The following CFTR variants were observed in gnomAD, a reference collection of about 807,000 sequenced individuals.
The protein encoded by CFTR is CF transmembrane conductance regulator, also known as cystic fibrosis transmembrane conductance regulator.
A neutral mutation model predicts 171.6 loss-of-function variants in CFTR; 181 were observed. The observed-to-expected ratio is 1.05, with a 90% CI of 0.93 to 1.19. CFTR has a LOEUF of 1.19. CFTR is among the 50% of genes most tolerant of loss of function. The pLI is 0.00. For synonymous variants in CFTR, 583 were observed against 608.0 expected (o/e 0.96, Z 0.60); for missense variants, 1,968 against 1,734.7 (o/e 1.13, Z -2.39).
chr7:117,547,657 A>G (rs1452750209), intron 9 of CFTR, among the ~76,000 whole-genome samples: 1 of 152,202 alleles, frequency 6.6e-6, no homozygotes. Context: ...TGCCTCCTTC[A>G]GTATTTCTGC....
intron 9 of CFTR, among the ~76,000 whole-genome samples, chr7:117,544,115 C>T (rs956369306): frequency 6.6e-6 from 1 of 152,144 alleles, no homozygotes; most frequent in Non-Finnish European, 1.5e-5. Context: ...TCTGCTTATT[C>T]GAAGAACAAT....
intron 1 of CFTR, among the ~76,000 whole-genome samples, chr7:117,498,060 G>A (rs1353275096): frequency 1.3e-5 from 2 of 152,078 alleles, no homozygotes; most frequent in Admixed American, 6.6e-5. Context: ...GATTCATTAG[G>A]TACGAAGTTA....
At chr7:117,575,136 A>G (rs1791752253) in intron 11 of CFTR, among the ~76,000 whole-genome samples, 2 of 152,124 alleles carry the variant, frequency 1.3e-5, no homozygotes, top group Non-Finnish European at 2.9e-5. Flanking sequence ...CATATGATAC[A>G]TACACACATT....
chr7:117,549,158 T>C (rs1799225029), intron 10 of CFTR, among the ~76,000 whole-genome samples: 1 of 152,222 alleles, frequency 6.6e-6, no homozygotes, highest in South Asian at 2.1e-4. Flanking sequence ...AGACATTTTT[T>C]CAGAGCTGGT....
Position 117,590,346 on chromosome 7 carries a change from T to C in CFTR, c.1680-7T>C. 1 of 1,601,630 alleles carries C rather than the reference T, an allele frequency of 6.2e-7. No homozygotes were observed. The highest frequency in any genetic ancestry group is 1.1e-5 in the South Asian group (1 of 90,872). On this transcript the variant is annotated splice_polypyrimidine_tract_variant and splice_region_variant and intron_variant, in intron 12 of 26. Coordinates refer to ENST00000003084, the MANE Select transcript of CFTR (RefSeq NM_000492.4). ...GAAATGTAATTTAATTTCCATTTTCTTTTTAGAGCAGTATACAAAGATGCT... is the reference window on the plus strand; with the variant it reads ...GAAATGTAATTTAATTTCCATTTTCCTTTTAGAGCAGTATACAAAGATGCT...
intron 1 of CFTR, among the ~76,000 whole-genome samples, chr7:117,498,688 C>T (rs183753680): frequency 6.6e-6 from 1 of 152,066 alleles, no homozygotes; most frequent in Non-Finnish European, 1.5e-5. Context: ...CAAATCAATC[C>T]TCCCTATCAT....
intron 11 of CFTR, among the ~76,000 whole-genome samples, chr7:117,585,038 T>C (rs1791909440): frequency 6.6e-6 from 1 of 152,034 alleles, no homozygotes; most frequent in Non-Finnish European, 1.5e-5. Flanking sequence ...TTCTAAAGTA[T>C]AGACTGTAGT....
intron 22 of CFTR, among the ~76,000 whole-genome samples, chr7:117,635,288 C>G (rs1194978035): frequency 2.6e-5 from 4 of 152,040 alleles, no homozygotes; most frequent in East Asian, 1.9e-4. Flanking sequence ...GTTAAAATGA[C>G]TTAACTTTCT....
chr7:117,543,985 C>A (rs146318138), intron 9 of CFTR, among the ~76,000 whole-genome samples: 1 of 152,200 alleles, frequency 6.6e-6, no homozygotes. Context: ...TCTTTCTCAG[C>A]TTGGAATTTC....
intron 1 of CFTR, among the ~76,000 whole-genome samples, chr7:117,493,730 A>G (rs1457175563): frequency 6.6e-6 from 1 of 152,144 alleles, no homozygotes; most frequent in Non-Finnish European, 1.5e-5. Flanking sequence ...TTTCCCTTTT[A>G]ATTTGCAGTA....
intron 8 of CFTR, among the ~76,000 whole-genome samples, chr7:117,541,744 A>G (rs1195679304): frequency 2.0e-5 from 3 of 152,218 alleles, no homozygotes; most frequent in Non-Finnish European, 4.4e-5. Flanking sequence ...ATGTAATAGT[A>G]CAAGGAAGAA....
intron 23 of CFTR, among the ~76,000 whole-genome samples, chr7:117,644,351 C>A (rs998882760): frequency 1.3e-5 from 2 of 151,760 alleles, no homozygotes; most frequent in South Asian, 4.1e-4. Context: ...CCAAGAGACG[C>A]TTTTATTTTC....
Position 117,602,807 on chromosome 7 carries a change from G to C in CFTR, c.2620-19G>C. On this transcript the variant is annotated intron_variant, in intron 15 of 26. Coordinates refer to ENST00000003084, the MANE Select transcript of CFTR (RefSeq NM_000492.4). Reference sequence around the variant, plus strand: ...GAAGATGTTAGAAAAAAAATCAACTGTGTCTTGTTCCATTCCAGGTGGCTG... The same window carrying C: ...GAAGATGTTAGAAAAAAAATCAACTCTGTCTTGTTCCATTCCAGGTGGCTG... 1 of 1,612,892 alleles carries C rather than the reference G, an allele frequency of 6.2e-7. No individual in the cohort carries two copies. Among genetic ancestry groups the C allele is most frequent in the Non-Finnish European group, 8.5e-7 (1 of 1,178,896 alleles).
intron 10 of CFTR, among the ~76,000 whole-genome samples, chr7:117,554,641 T>C (rs1466705198): frequency 6.6e-6 from 1 of 152,046 alleles, no homozygotes; most frequent in Non-Finnish European, 1.5e-5. Context: ...CTAAGGGCAT[T>C]CTAAGTATTA....
intron 11 of CFTR, chr7:117,560,596 T>C (rs984216679): frequency 1.3e-5 from 2 of 151,974 alleles, no homozygotes; most frequent in African/African-American, 2.4e-5. Flanking sequence ...TAAAAAGGGT[T>C]GCATGCTTAC....
rs749784731 is a variant in CFTR, at chr7:117,603,686, G to C, written c.2812G>C (p.Val938Leu). The change falls in exon 17 of 27, where the codon GTG (valine) becomes CTG (leucine). Residue 938 changes from valine to leucine, a missense_variant. Transcript: ENST00000003084. ...AMGFFRGLPL[V>L]HTLITVSKIL... ...GGGATTCTTCAGAGGTCTACCACTG[G>C]TGCATACTCTAATCACAGTGTCGAA... is the stretch of plus-strand genomic sequence containing the variant. 8 of 1,613,936 alleles carry C rather than the reference G, an allele frequency of 5.0e-6. No individual in the cohort carries two copies. In the Admixed American group the frequency reaches 6.7e-5, roughly 13 times the overall value.
intron 21 of CFTR, among the ~76,000 whole-genome samples, chr7:117,624,252 G>A (rs543894562): frequency 4.3e-4 from 66 of 152,114 alleles, no homozygotes; most frequent in Non-Finnish European, 7.3e-4. Flanking sequence ...GAATTAAGGA[G>A]TGTGTTGCCC....
At position 117,667,455 on chromosome 7, in the gene CFTR, T is replaced by C. The variant is rs1374332786; in HGVS notation, c.*347T>C. ...TCAATCAGCCTAGTTGATCAGCTTA[T>C]TGTCTAGTGAAACTCGTTAATTTGT... On this transcript the variant is annotated 3_prime_UTR_variant, in exon 27 of 27. Transcript: ENST00000003084. 16 of 357,058 alleles carry C rather than the reference T, an allele frequency of 4.5e-5. No individual in the cohort carries two copies. Among genetic ancestry groups the C allele is most frequent in the South Asian group, 3.4e-4 (15 of 44,494 alleles). The allele number at this position is 357,058 out of a possible 1,614,324, so 22.1% of individuals were successfully genotyped here.
chr7:117,598,976 A>G, intron 15 of CFTR, among the ~76,000 whole-genome samples: 1 of 152,190 alleles, frequency 6.6e-6, no homozygotes, highest in Non-Finnish European at 1.5e-5. Flanking sequence ...TCATTATTAT[A>G]AAACTTGAGA....
Sources: allele counts gnomAD v4.1 joint callset (sites outside exome capture counted in the v4.1 genomes callset), GRCh38; gene constraint gnomAD v4.1.1; transcripts MANE v1.5; gene names NCBI Gene and HGNC (gene_info 2026-07-23, HGNC 2026-07-21).